The following ACSBG1 variants were observed in gnomAD, a reference collection of about 807,000 sequenced individuals.
ACSBG1 encodes the protein long-chain-fatty-acid--CoA ligase ACSBG1.
ACSBG1 carries 39 observed loss-of-function variants against 80.2 expected under a neutral mutation model. The ratio of observed to expected loss-of-function variants is 0.49; its 90% CI spans 0.38 to 0.64. The LOEUF (loss-of-function observed/expected upper bound fraction) is 0.64. ACSBG1 is among the 30% of genes least tolerant of loss of function. ACSBG1 has a pLI of 0.00. For missense variants in ACSBG1, 828 were observed against 966.4 expected (o/e 0.86, Z 1.90); for synonymous variants, 392 against 379.5 (o/e 1.03, Z -0.38).
chr15:78,227,152 G>A (rs1237150678), intron 1 of ACSBG1, among the ~76,000 whole-genome samples: 3 of 142,010 alleles, frequency 2.1e-5, no homozygotes, highest in African/African-American at 7.8e-5. Context: ...CTGGGAGGCA[G>A]AGGCTGCAGT....
chr15:78,230,128 C>T (rs1225887624), intron 1 of ACSBG1, among the ~76,000 whole-genome samples: 1 of 152,196 alleles, frequency 6.6e-6, no homozygotes, highest in Non-Finnish European at 1.5e-5. Flanking sequence ...AGGACCCAGG[C>T]CCTGGGCAGG....
At chr15:78,202,331 C>T (rs1030564253) in intron 2 of ACSBG1, among the ~76,000 whole-genome samples, 1 of 152,170 alleles carries the variant, frequency 6.6e-6, no homozygotes, top group East Asian at 1.9e-4. Flanking sequence ...CCGCCTCAGC[C>T]TCCCGAGTAG....
intron 10 of ACSBG1, 41 bp downstream of exon 10, chr15:78,179,509 G>A: frequency 6.4e-7 from 1 of 1,566,328 alleles, no homozygotes; most frequent in Non-Finnish European, 8.8e-7. Flanking sequence ...TACCAGCAAG[G>A]GCGCATGGGT....
Position 78,179,511 on chromosome 15 carries a change from CGCATGGGTGT to C in ACSBG1, c.1484+29_1484+38del, listed in dbSNP as rs771345151. On this transcript the variant is annotated intron_variant, in intron 10 of 13. Coordinates refer to ENST00000258873, the MANE Select transcript of ACSBG1 (RefSeq NM_015162.5). ...GGCGGGCACAAAGTACCAGCAAGGG[CGCATGGGTGT>C]GCATGTGTGTGGCAGCCTCGAGCCT... 95 of 1,571,768 alleles carry C rather than the reference CGCATGGGTGT, an allele frequency of 6.0e-5. No individual in the cohort carries two copies. The African/African-American group carries it at 1.2e-3, about 20-fold the overall frequency.
chr15:78,234,263 G>A, intron 1 of ACSBG1, 108 bp downstream of exon 1: 1 of 1,455,076 alleles, frequency 6.9e-7, no homozygotes, highest in Non-Finnish European at 9.2e-7. Context: ...CCCAGGTGAA[G>A]AAACTGAGGC....
chr15:78,181,076 T>C (rs1397817848), intron 8 of ACSBG1, 140 bp from the exon 9 acceptor site: 20 of 957,556 alleles, frequency 2.1e-5, no homozygotes, highest in Non-Finnish European at 2.9e-5. Context: ...GGGTGGCACA[T>C]ACTGTTTCCT....
At chr15:78,205,967 C>T (rs954478477) in intron 2 of ACSBG1, among the ~76,000 whole-genome samples, 20 of 152,166 alleles carry the variant, frequency 1.3e-4, no homozygotes, top group African/African-American at 4.8e-4. Flanking sequence ...ACGCGGTGGA[C>T]ACGCCATCCA....
intron 5 of ACSBG1, among the ~76,000 whole-genome samples, chr15:78,186,955 G>T (rs1281820790): frequency 6.6e-6 from 1 of 151,846 alleles, no homozygotes; most frequent in Non-Finnish European, 1.5e-5. Flanking sequence ...AAAGAGAGAA[G>T]AATCAAATAG....
chr15:78,171,085 C>G lies in ACSBG1; in HGVS notation c.*359G>C, dbSNP rs1004909223. ...CAGTATCAGCCATCTCTCTCCTACC[C>G]GCTCCACAGCCTACTGCTGGCTGTC... On this transcript the variant is annotated 3_prime_UTR_variant, in exon 14 of 14. Coordinates refer to ENST00000258873, the MANE Select transcript of ACSBG1 (RefSeq NM_015162.5). 2.3e-5 allele frequency: 4 copies of G among 177,242 alleles called. No individual in the cohort carries two copies. The highest frequency in any genetic ancestry group is 3.6e-5 in the Non-Finnish European group (3 of 83,302). 11.0% of individuals were successfully genotyped at this position (177,242 alleles called of 1,614,324 possible).
intron 2 of ACSBG1, 50 bp downstream of exon 2, chr15:78,207,951 CA>C: frequency 9.4e-7 from 1 of 1,062,882 alleles, no homozygotes; most frequent in African/African-American, 1.6e-5. Context: ...GCACACCCAG[CA>C]CAGCACAGTT....
chr15:78,201,685 C>A (rs2075169713), intron 2 of ACSBG1, among the ~76,000 whole-genome samples: 1 of 152,238 alleles, frequency 6.6e-6, no homozygotes, highest in Non-Finnish European at 1.5e-5. Context: ...GGGCTCTGCT[C>A]ACACCGTGTC....
intron 5 of ACSBG1, among the ~76,000 whole-genome samples, chr15:78,192,716 C>G (rs2141345999): frequency 6.6e-6 from 1 of 152,310 alleles, no homozygotes; most frequent in Admixed American, 6.5e-5. Context: ...TCTGGGGATC[C>G]AGATCGCATA....
chr15:78,187,626 CCTT>C (rs1254791184), intron 5 of ACSBG1, among the ~76,000 whole-genome samples: 1 of 152,096 alleles, frequency 6.6e-6, no homozygotes, highest in African/African-American at 2.4e-5. Flanking sequence ...ATTCAACAAC[CCTT>C]CATGATAAAA....
At chr15:78,230,129 C>G in intron 1 of ACSBG1, among the ~76,000 whole-genome samples, 1 of 152,218 alleles carries the variant, frequency 6.6e-6, no homozygotes, top group East Asian at 1.9e-4. Context: ...GGACCCAGGC[C>G]CTGGGCAGGC....
chr15:78,232,126 T>C (rs971160220), intron 1 of ACSBG1, among the ~76,000 whole-genome samples: 2 of 152,228 alleles, frequency 1.3e-5, no homozygotes, highest in East Asian at 1.9e-4. Flanking sequence ...ATGCCTGTGA[T>C]GGGTAACTCT....
In ACSBG1 at chr15:78,169,031, A is replaced by G; in HGVS notation, c.*2413T>C. The stretch of plus-strand genomic sequence containing the variant: ...CACTTCTACAACTGGCATTTACATC[A>G]GTCACTCTAAATGGACACCACATGA... On this transcript the variant is annotated 3_prime_UTR_variant, in exon 14 of 14. Transcript: ENST00000258873. 4.9e-6 allele frequency: 7 copies of G among 1,435,080 alleles called. No homozygotes were observed. Among genetic ancestry groups the G allele is most frequent in the Non-Finnish European group, 6.9e-6 (7 of 1,020,178 alleles). The allele number at this position is 1,435,080 out of a possible 1,614,324, so 88.9% of individuals were successfully genotyped here.
At chr15:78,188,111 C>G (rs919273415) in intron 5 of ACSBG1, among the ~76,000 whole-genome samples, 5 of 152,170 alleles carry the variant, frequency 3.3e-5, no homozygotes, top group Admixed American at 3.3e-4. Context: ...AGGAATTCAA[C>G]TTACAAGGGA....
chr15:78,209,564 A>G lies in ACSBG1; in HGVS notation c.132-1462T>C, dbSNP rs145410666. On this transcript the variant is annotated intron_variant, in intron 1 of 13. Transcript: ENST00000258873. Reference sequence around the variant, plus strand: ...TTACAGCTCTCTGGGATAGCCAGGTAGAAGCTGCCTCCACTTTGGGCCGCA... The same window carrying G: ...TTACAGCTCTCTGGGATAGCCAGGTGGAAGCTGCCTCCACTTTGGGCCGCA... Among the ~76,000 whole-genome samples, 49 of 152,340 alleles carry G rather than the reference A, an allele frequency of 3.2e-4. 1 individual carries two copies. In the East Asian group the frequency reaches 5.2e-3, roughly 16 times the overall value.
chr15:78,212,254 G>A (rs1035770753), intron 1 of ACSBG1, among the ~76,000 whole-genome samples: 8 of 152,106 alleles, frequency 5.3e-5, no homozygotes, highest in Non-Finnish European at 8.8e-5. Flanking sequence ...GCCGAGTCAC[G>A]GTTCCTCTCT....
Sources: allele counts gnomAD v4.1 joint callset (sites outside exome capture counted in the v4.1 genomes callset), GRCh38; gene constraint gnomAD v4.1.1; transcripts MANE v1.5; gene names NCBI Gene and HGNC (gene_info 2026-07-23, HGNC 2026-07-21).